The following CD163L1 variants were observed in gnomAD, a reference collection of about 807,000 sequenced individuals.
CD163L1 encodes the protein CD163 molecule like 1, also known as scavenger receptor cysteine-rich type 1 protein M160.
In CD163L1, 124 loss-of-function variants were observed where a neutral mutation model predicts 165.4. The ratio of observed to expected loss-of-function variants is 0.75; its 90% CI spans 0.65 to 0.87. CD163L1 has a LOEUF of 0.87. Ranked by LOEUF, CD163L1 falls within the 40% of genes least tolerant of loss-of-function variation. The pLI, the probability that CD163L1 is intolerant of heterozygous loss-of-function variation, is 0.00. For synonymous variants in CD163L1, 585 were observed against 662.2 expected, an observed-to-expected ratio of 0.88 and a Z score of 1.79; for missense variants, 1,525 against 1,799.9, an observed-to-expected ratio of 0.85 and a Z score of 2.76.
At chr12:7,415,802 C>T (rs770129485) in intron 4 of CD163L1, among the ~76,000 whole-genome samples, 15 of 152,300 alleles carry the variant, frequency 9.8e-5, no homozygotes, top group African/African-American at 3.4e-4. Flanking sequence ...ATACGTGCCA[C>T]GTTTTCTTTA....
At chr12:7,331,658 T>C in the CD163L1 span, among the ~76,000 whole-genome samples, 1 of 152,190 alleles carries the variant, frequency 6.6e-6, no homozygotes, top group Non-Finnish European at 1.5e-5. Flanking sequence ...CCGCTGCTGA[T>C]ACCTAGGCAA....
chr12:7,413,057 C>T (rs763800149), intron 4 of CD163L1, among the ~76,000 whole-genome samples: 1 of 132,898 alleles, frequency 7.5e-6, no homozygotes, highest in Non-Finnish European at 1.5e-5. Context: ...GATCATGCCA[C>T]TGTACTCCTG....
intron 2 of CD163L1, among the ~76,000 whole-genome samples, chr12:7,435,962 T>C (rs1424804830): frequency 6.6e-6 from 1 of 152,208 alleles, no homozygotes; most frequent in East Asian, 1.9e-4. Flanking sequence ...TGCAGTTTGA[T>C]ATGTTATAAA....
At chr12:7,410,535 C>G (rs1340932376) in intron 4 of CD163L1, among the ~76,000 whole-genome samples, 1 of 151,010 alleles carries the variant, frequency 6.6e-6, no homozygotes, top group Non-Finnish European at 1.5e-5. Flanking sequence ...ATCCAGGAGG[C>G]AGAGGTTGCA....
Position 7,347,665 on chromosome 12 carries a change from A to G in CD163L1, c.*25-518T>C, listed in dbSNP as rs758386217. ...CGCCTGTAGTCCCAGCTACTCGGAG[A>G]GGCTGAGGCAGGAGAATGGCGTGAA... On this transcript the variant is annotated intron_variant, in intron 4 of 4. Transcript: ENST00000539726. The surrounding 1 kb of genome is among the most constrained non-coding windows in gnomAD (Gnocchi z 4.2). Among the ~76,000 whole-genome samples the G allele has an allele frequency of 1.6e-4, 25 of 152,070 alleles. No individual in the cohort carries two copies. The highest frequency in any genetic ancestry group is 2.5e-4 in the Non-Finnish European group (17 of 67,986).
intron 4 of CD163L1, among the ~76,000 whole-genome samples, chr12:7,408,144 G>C (rs573918390): frequency 2.0e-5 from 3 of 151,370 alleles, no homozygotes; most frequent in Non-Finnish European, 4.4e-5. Context: ...TTGTCTGTCT[G>C]TCTCTCTCTC....
At chr12:7,335,156 G>A in the CD163L1 span, among the ~76,000 whole-genome samples, 3 of 152,110 alleles carry the variant, frequency 2.0e-5, no homozygotes, top group South Asian at 6.2e-4. Flanking sequence ...AAGTTCATAT[G>A]GAACCAAAAA....
At position 7,443,555 on chromosome 12, in the gene CD163L1, A is replaced by G. The variant is rs114107869; in HGVS notation, c.31+542T>C. Among the ~76,000 whole-genome samples the G allele has an allele frequency of 1.0e-2, 1,518 of 152,222 alleles. 30 individuals are homozygous for G. The highest frequency in any genetic ancestry group is 0.034 in the African/African-American group (1,412 of 41,538). On this transcript the variant is annotated intron_variant, in intron 1 of 19. Transcript: ENST00000313599. Reference sequence around the variant, plus strand: ...TTTTTATCATAATGTCTTCTTATTTATTTGCTTTATTAAAATTTATAGCAG... The same window carrying G: ...TTTTTATCATAATGTCTTCTTATTTGTTTGCTTTATTAAAATTTATAGCAG...
At chr12:7,419,736 G>A (rs191548876) in intron 4 of CD163L1, among the ~76,000 whole-genome samples, 24 of 151,724 alleles carry the variant, frequency 1.6e-4, no homozygotes, top group Middle Eastern at 6.8e-3. Flanking sequence ...ATCAAATCAA[G>A]AACTCAACTG....
the CD163L1 span, chr12:7,328,261 T>A: frequency 6.5e-7 from 1 of 1,530,672 alleles, no homozygotes; most frequent in Non-Finnish European, 8.9e-7. Context: ...ATCAAGTGTC[T>A]CATCACGTTT....
intron 4 of CD163L1, among the ~76,000 whole-genome samples, chr12:7,423,755 T>A (rs1363313110): frequency 6.6e-6 from 1 of 152,068 alleles, no homozygotes; most frequent in Admixed American, 6.6e-5. Flanking sequence ...CCTGGACACA[T>A]ACCCCCTCCC....
At chr12:7,361,841 C>G (rs1188261396) in intron 18 of CD163L1, among the ~76,000 whole-genome samples, 1 of 151,892 alleles carries the variant, frequency 6.6e-6, no homozygotes, top group Non-Finnish European at 1.5e-5. Context: ...GCAACCGTTA[C>G]CACCATCTAT....
At position 7,374,720 on chromosome 12, in the gene CD163L1, C is replaced by T. The variant is rs757273552; in HGVS notation, c.3131G>A (p.Arg1044His). The T allele has an allele frequency of 2.8e-5, 45 of 1,613,822 alleles. No homozygotes were observed. Among genetic ancestry groups the T allele is most frequent in the Admixed American group, 2.3e-4 (14 of 60,006 alleles). ...KRLRLVDGDSRCAGRVEIYHD... is the reference protein window; with the variant it reads ...KRLRLVDGDSHCAGRVEIYHD... ...ATAGATCTCTACTCTCCCGGCACAG[C>T]GGCTGTCCCCATCCACTAGGCGGAG... is the stretch of plus-strand genomic sequence containing the variant. The change falls in exon 13 of 20, where the codon CGC becomes CAC. Residue 1044 changes from arginine (R) to histidine (H), a missense_variant. By Grantham distance (29) the Arg-to-His change is conservative. Coordinates refer to ENST00000313599, the MANE Select transcript of CD163L1 (RefSeq NM_174941.6). This position sits in a 1 kb window ranked among gnomAD's most constrained non-coding sequence, Gnocchi z 5.4.
At position 7,432,359 on chromosome 12, in the gene CD163L1, AC is replaced by A. The variant is rs1948644070; in HGVS notation, c.766+56del. On this transcript the variant is annotated intron_variant, in intron 4 of 19. Transcript: ENST00000313599. The surrounding 1 kb of genome is among the most constrained non-coding windows in gnomAD (Gnocchi z 4.2). Reference sequence around the variant, plus strand: ...GAATGATTGACCTTTTTCTTTCCATACATACTGTTTCTAAACAAATTGTTCC... The same window carrying A: ...GAATGATTGACCTTTTTCTTTCCATAATACTGTTTCTAAACAAATTGTTCC... The A allele has an allele frequency of 1.5e-6, 2 of 1,314,316 alleles. No individual in the cohort carries two copies. Among genetic ancestry groups the A allele is most frequent in the Admixed American group, 2.0e-5 (1 of 50,398 alleles). 81.4% of individuals were successfully genotyped at this position (1,314,316 alleles called of 1,614,324 possible).
chr12:7,421,541 A>G (rs1452923846), intron 4 of CD163L1, among the ~76,000 whole-genome samples: 5 of 93,880 alleles, frequency 5.3e-5, no homozygotes, highest in Non-Finnish European at 7.7e-5. Flanking sequence ...ACATATACGT[A>G]CACATATACA....
downstream of CD163L1, among the ~76,000 whole-genome samples, chr12:7,342,799 G>A (rs1946645930): frequency 6.6e-6 from 1 of 152,078 alleles, no homozygotes; most frequent in Admixed American, 6.5e-5. Context: ...AGATGCATGG[G>A]GAAGAAATTG....
chr12:7,334,302 C>G, the CD163L1 span, among the ~76,000 whole-genome samples: 37 of 151,908 alleles, frequency 2.4e-4, no homozygotes, highest in Non-Finnish European at 3.5e-4. Flanking sequence ...ATGATCAAGT[C>G]GGCTTCATCC....
the CD163L1 span, among the ~76,000 whole-genome samples, chr12:7,324,951 CTTTGTTATG>C: frequency 6.6e-6 from 1 of 152,066 alleles, no homozygotes; most frequent in Non-Finnish European, 1.5e-5. Flanking sequence ...CTCTGCTATT[CTTTGTTATG>C]GCTCCAGTTG....
rs748163996 is a variant in CD163L1 at position 7,375,786 on chromosome 12, C to T, written c.2600G>A (p.Ser867Asn). 3 of 1,614,240 alleles carry T rather than the reference C, an allele frequency of 1.9e-6. No homozygotes were observed. Among genetic ancestry groups the T allele is most frequent in the South Asian group, 2.2e-5 (2 of 91,086 alleles). Reference protein sequence around the residue: ...TWAEKFQCEGSETHLALCPIV... With the variant: ...TWAEKFQCEGNETHLALCPIV... ...GGGGCATAATGCAAGGTGAGTTTCA[C>T]TCCCTTCACACTGGAACTTTTCGGC... The change falls in exon 10 of 20, where the codon AGT becomes AAT. Residue 867 changes from serine (S) to asparagine (N), a missense_variant. Ser to Asn is a conservative substitution (Grantham distance 46). Transcript: ENST00000313599.
Sources: gnomAD v4.1 joint callset for allele counts (sites outside exome capture counted in the v4.1 genomes callset) on GRCh38, gnomAD v4.1.1 for gene constraint, Gnocchi (gnomAD v3.1) non-coding constraint, MANE v1.5 for transcripts, NCBI Gene and HGNC (gene_info 2026-07-23, HGNC 2026-07-21) for gene names.